Variants in CDK11A observed in about 807,000 individuals in gnomAD.
CDK11A encodes the protein cyclin dependent kinase 11A, also known as cyclin-dependent kinase 11A.
A neutral mutation model predicts 83.6 loss-of-function variants in CDK11A; 55 were observed. That is an observed-to-expected ratio of 0.66 (90% CI 0.53 to 0.82). The LOEUF (loss-of-function observed/expected upper bound fraction) is 0.82, where lower values mean the gene tolerates loss of function less well. Among genes scored for constraint, CDK11A ranks in the 40% least tolerant of loss-of-function variants. CDK11A has a pLI of 0.00. For synonymous variants in CDK11A, 247 were observed against 302.7 expected (o/e 0.82, Z 1.91); for missense variants, 564 against 810.1 (o/e 0.70, Z 3.69).
rs548826115 is a variant in CDK11A, at chr1:1,707,418, C to G, written c.1236G>C (p.Pro412=). The G allele has an allele frequency of 3.1e-6, 5 of 1,607,870 alleles. No individual in the cohort carries two copies. The highest frequency in any genetic ancestry group is 2.7e-5 in the African/African-American group (2 of 74,368). ...ELKQELPKYL[P]ALQGCRSVEE... is the part of the protein sequence containing the mutation. Reference sequence around the variant, plus strand: ...GAGGGGAGGGCCTGACCTGCAGGGCCGGCAGGTACTTGGGCAGCTCCTGCT... The same window carrying G: ...GAGGGGAGGGCCTGACCTGCAGGGCGGGCAGGTACTTGGGCAGCTCCTGCT... Residue 412 remains proline, a synonymous_variant, in exon 11 of 20, where the codon CCG becomes CCC. Coordinates refer to ENST00000404249, the MANE Select transcript of CDK11A (RefSeq NM_024011.4).
intron 4 of CDK11A, 150 bp downstream of exon 4, chr1:1,719,177 GC>G: frequency 1.7e-6 from 1 of 590,592 alleles, no homozygotes; most frequent in Non-Finnish European, 2.7e-6. Context: ...TCTCTCTATA[GC>G]CCTTCTGAAC....
rs776785110 is a variant in CDK11A at position 1,716,380 on chromosome 1, T to C, written c.454A>G (p.Arg152Gly). Residue 152 changes from arginine (R) to glycine (G), a missense_variant, in exon 5 of 20, where the codon AGG (arginine) becomes GGG (glycine). Around this residue, in one of 5 missense-constraint regions of CDK11A, gnomAD observed 151 missense variants for 147.4 expected, o/e 1.02. Coordinates refer to ENST00000404249, the MANE Select transcript of CDK11A (RefSeq NM_024011.4). ...ARREWERQKR[R>G]EMAREHSRRE... ...CTGGAATGCTCCCTTGCCATTTCCC[T>C]TCTCTTCTGTCTTTCCCATTCCCGG... The C allele has an allele frequency of 1.9e-6, 3 of 1,609,208 alleles. No homozygotes were observed. In the African/African-American group the frequency reaches 4.0e-5, roughly 22 times the overall value.
At position 1,704,312 on chromosome 1, in the gene CDK11A, G is replaced by A. The variant is rs1412046998; in HGVS notation, c.1597C>T (p.Arg533Trp). 13 of 1,607,162 alleles carry A rather than the reference G, an allele frequency of 8.1e-6. No homozygotes were observed. Among genetic ancestry groups the A allele is most frequent in the Middle Eastern group, 1.8e-4 (1 of 5,444 alleles). ...EVKTLMIQLL[R>W]GVKHLHDNWI... The stretch of plus-strand genomic sequence containing the variant: ...TTGTCGTGCAGGTGTTTCACCCCCC[G>A]CAGCAGCTGGATCATCAGGGTCTTC... Residue 533 changes from arginine to tryptophan, a missense_variant, in exon 15 of 20, where the codon CGG becomes TGG. Coordinates refer to ENST00000404249, the MANE Select transcript of CDK11A (RefSeq NM_024011.4).
chr1:1,718,658 G>C (rs1381834357), intron 4 of CDK11A, among the ~76,000 whole-genome samples: 1 of 133,146 alleles, frequency 7.5e-6, no homozygotes, highest in Non-Finnish European at 1.6e-5. Flanking sequence ...TTTTTGAGAC[G>C]GAGTCTTGCT....
intron 3 of CDK11A, among the ~76,000 whole-genome samples, chr1:1,720,383 C>T (rs952899183): frequency 1.5e-4 from 22 of 148,890 alleles, no homozygotes; most frequent in African/African-American, 5.5e-4. Context: ...AGGTGTGAGC[C>T]GCCACGCCCG....
chr1:1,718,700 G>A (rs1338994240), intron 4 of CDK11A, among the ~76,000 whole-genome samples: 2 of 147,634 alleles, frequency 1.4e-5, no homozygotes, highest in African/African-American at 2.5e-5. Flanking sequence ...GCAGTGGTGC[G>A]ATAGCGGCTC....
rs1258448976 is a variant in CDK11A at position 1,704,046 on chromosome 1, C to G, written c.1787G>C (p.Gly596Ala). The change falls in exon 16 of 20, where the codon GGT (glycine) becomes GCT (alanine). Residue 596 changes from glycine to alanine, a missense_variant. This residue lies in a region of CDK11A where 361 missense variants were observed against 402.7 expected (regional missense o/e 0.90). Transcript: ENST00000404249. ...CAGACGCCCAGGACTCACCTTGGCA[C>G]CAAGCAGCAGCTCTGGGGCGCGGTA... Reference protein sequence around the residue: ...QWYRAPELLLGAKEYSTAVDM... With the variant: ...QWYRAPELLLAAKEYSTAVDM... 7.5e-6 allele frequency: 12 copies of G among 1,595,580 alleles called. No individual in the cohort carries two copies. The highest frequency in any genetic ancestry group is 1.0e-5 in the Non-Finnish European group (12 of 1,168,838).
Position 1,719,480 on chromosome 1 carries a change from C to A in CDK11A, c.228-25G>T, listed in dbSNP as rs200418535. On this transcript the variant is annotated intron_variant, in intron 3 of 19. Coordinates refer to ENST00000404249, the MANE Select transcript of CDK11A (RefSeq NM_024011.4). ...TCTGAAATAAAACACAACAGCACTG[C>A]GTCATGCTTGAGAAAGTGCGGAAAA... 3.6e-5 allele frequency: 51 copies of A among 1,414,276 alleles called. 1 individual carries two copies. The highest frequency in any genetic ancestry group is 5.4e-5 in the East Asian group (2 of 37,264). The allele number at this position is 1,414,276 out of a possible 1,614,324, so 87.6% of individuals were successfully genotyped here.
Position 1,720,133 on chromosome 1 carries a change from G to A in CDK11A, c.228-678C>T, listed in dbSNP as rs146445348. 1.5e-3 allele frequency among the ~76,000 whole-genome samples: 225 copies of A among 149,432 alleles called. 8 individuals carry two copies. The highest frequency in any genetic ancestry group is 4.7e-3 in the African/African-American group (192 of 40,690). On this transcript the variant is annotated intron_variant, in intron 3 of 19. Coordinates refer to ENST00000404249, the MANE Select transcript of CDK11A (RefSeq NM_024011.4). Reference sequence around the variant, plus strand: ...TTTGAGATTGGAGTCTTGCTCTGTCGCCCAGGCTGGAGGGCAGTGGCGAGA... The same window carrying A: ...TTTGAGATTGGAGTCTTGCTCTGTCACCCAGGCTGGAGGGCAGTGGCGAGA...
chr1:1,707,834 G>A (rs1307965319), intron 10 of CDK11A, among the ~76,000 whole-genome samples: 1 of 136,800 alleles, frequency 7.3e-6, no homozygotes, highest in Non-Finnish European at 1.5e-5. Context: ...CCACATCCAC[G>A]TCCACCAGGC....
In CDK11A at chr1:1,706,575, C is replaced by G. The variant is rs551101605; in HGVS notation, c.1245+834G>C. Among the ~76,000 whole-genome samples the G allele has an allele frequency of 2.0e-5, 3 of 151,378 alleles. 1 individual carries two copies. The highest frequency in any genetic ancestry group is 4.4e-5 in the Non-Finnish European group (3 of 67,676). On this transcript the variant is annotated intron_variant, in intron 11 of 19. Transcript: ENST00000404249. ...AAAAAAAAGGCCATCCGGAGAGTCTCTCTGTCAAAGTGGATGTGTCCCCTG... is the reference window on the plus strand; with the variant it reads ...AAAAAAAAGGCCATCCGGAGAGTCTGTCTGTCAAAGTGGATGTGTCCCCTG...
rs1644554850 is a variant in CDK11A, at chr1:1,713,948, GTTC to G, written c.489-1551_489-1549del. 4.9e-5 allele frequency among the ~76,000 whole-genome samples: 2 copies of G among 41,098 alleles called. 1 individual carries two copies. Among genetic ancestry groups the G allele is most frequent in the South Asian group, 1.1e-3 (2 of 1,790 alleles). 27.0% of individuals were successfully genotyped at this position (41,098 alleles called of 152,430 possible). The stretch of plus-strand genomic sequence containing the variant: ...GAACAGTTTTGATTCCTGGCTGATG[GTTC>G]TTCTCTCTAAGCAGCTTGAGTATGC... On this transcript the variant is annotated intron_variant, in intron 5 of 19. Transcript: ENST00000404249.
chr1:1,715,822 T>C (rs967002549), intron 5 of CDK11A, among the ~76,000 whole-genome samples: 2 of 151,070 alleles, frequency 1.3e-5, no homozygotes, highest in South Asian at 2.1e-4. Flanking sequence ...ACCGATGTTC[T>C]TTCTTGGGAA....
In CDK11A at chr1:1,707,699, C is replaced by T; in HGVS notation, c.1070-115G>A. 6 of 1,067,060 alleles carry T rather than the reference C, an allele frequency of 5.6e-6. No individual in the cohort carries two copies. In the South Asian group the frequency reaches 7.7e-5, roughly 14 times the overall value. The allele number at this position is 1,067,060 out of a possible 1,614,324, so 66.1% of individuals were successfully genotyped here. The stretch of plus-strand genomic sequence containing the variant: ...CTGCCCCGTGTCCCGCTGGGAGGTG[C>T]TGGCGCTGGGCTCTCGTCCCCTGGA... On this transcript the variant is annotated intron_variant, in intron 10 of 19. Transcript: ENST00000404249.
intron 4 of CDK11A, among the ~76,000 whole-genome samples, chr1:1,717,314 CATTA>C (rs1350386221): frequency 2.6e-5 from 4 of 151,250 alleles, no homozygotes; most frequent in Non-Finnish European, 4.4e-5. Context: ...AATGAAGCCA[CATTA>C]ATTAATCAAG....
rs1310170238 is a variant in CDK11A, at chr1:1,721,296, C to T, written c.227+300G>A. On this transcript the variant is annotated intron_variant, in intron 3 of 19. Coordinates refer to ENST00000404249, the MANE Select transcript of CDK11A (RefSeq NM_024011.4). ...GTAAACCTTAATAGTTACAATAGCA[C>T]ACCCCGTCACGTAACCCTAGGGAAG... is the stretch of plus-strand genomic sequence containing the variant. Among the ~76,000 whole-genome samples, 3 of 150,466 alleles carry T rather than the reference C, an allele frequency of 2.0e-5. 1 individual carries two copies. The highest frequency in any genetic ancestry group is 7.4e-5 in the African/African-American group (3 of 40,732).
chr1:1,706,320 G>A lies in CDK11A; in HGVS notation c.1246-588C>T, dbSNP rs565158812. Among the ~76,000 whole-genome samples, 8 of 151,294 alleles carry A rather than the reference G, an allele frequency of 5.3e-5. 1 individual carries two copies. The highest frequency in any genetic ancestry group is 2.1e-4 in the South Asian group (1 of 4,774). On this transcript the variant is annotated intron_variant, in intron 11 of 19. Coordinates refer to ENST00000404249, the MANE Select transcript of CDK11A (RefSeq NM_024011.4). ...ACTCCTGACCTCTGATCCGCCCACCGCCTCGGCCTCCCAAAGTGCTGGGAT... is the reference window on the plus strand; with the variant it reads ...ACTCCTGACCTCTGATCCGCCCACCACCTCGGCCTCCCAAAGTGCTGGGAT...
intron 4 of CDK11A, among the ~76,000 whole-genome samples, chr1:1,718,095 TAG>T (rs1391321405): frequency 2.8e-5 from 4 of 143,692 alleles, no homozygotes; most frequent in African/African-American, 1.0e-4. Context: ...CGCTTTCAGC[TAG>T]AGTTTGCTCT....
At position 1,704,728 on chromosome 1, in the gene CDK11A, T is replaced by G. The variant is rs1644244879; in HGVS notation, c.1459-73A>C. ...CACCCCTGCACCCGGGCGCAGATGC[T>G]GAGGGACAGTAAGGACCTCCGGTGC... On this transcript the variant is annotated intron_variant, in intron 13 of 19. Coordinates refer to ENST00000404249, the MANE Select transcript of CDK11A (RefSeq NM_024011.4). 13 of 1,601,608 alleles carry G rather than the reference T, an allele frequency of 8.1e-6. 1 individual carries two copies. In the African/African-American group the frequency reaches 1.1e-4, roughly 13 times the overall value.
Sources: gnomAD v4.1 joint callset for allele counts (sites outside exome capture counted in the v4.1 genomes callset) on GRCh38, gnomAD v4.1.1 for gene constraint, gnomAD v4.1.1 regional missense constraint, MANE v1.5 for transcripts, NCBI Gene and HGNC (gene_info 2026-07-23, HGNC 2026-07-21) for gene names.